DEPTOR: variants seen among roughly 807,000 people sequenced by gnomAD.
The protein encoded by DEPTOR is DEP domain containing MTOR interacting protein.
DEPTOR carries 41 observed loss-of-function variants against 41.6 expected under a neutral mutation model. That is an observed-to-expected ratio of 0.98 (90% CI 0.77 to 1.28). The LOEUF (loss-of-function observed/expected upper bound fraction) is 1.28. DEPTOR is among the 50% of genes most tolerant of loss of function. The pLI is 0.00. For missense variants in DEPTOR, 514 were observed against 527.9 expected (o/e 0.97, Z 0.26); for synonymous variants, 195 against 192.3 (o/e 1.01, Z -0.12).
At chr8:119,983,456 C>T (rs1828792625) in intron 4 of DEPTOR, among the ~76,000 whole-genome samples, 1 of 152,124 alleles carries the variant, frequency 6.6e-6, no homozygotes, top group Non-Finnish European at 1.5e-5. Flanking sequence ...GCCATCTCGG[C>T]TCACTGCAAC....
intron 4 of DEPTOR, 124 bp from the exon 5 acceptor site, chr8:120,001,401 G>C (rs2130080154): frequency 2.5e-6 from 2 of 794,912 alleles, no homozygotes; most frequent in Non-Finnish European, 3.7e-6. Context: ...AGCTCATGTG[G>C]CATCTGTGGA....
chr8:120,034,943 G>C (rs1340501038), intron 8 of DEPTOR, among the ~76,000 whole-genome samples: 2 of 152,272 alleles, frequency 1.3e-5, no homozygotes, highest in Non-Finnish European at 2.9e-5. Context: ...AAAAATTTGA[G>C]ATCAGGGAGG....
At chr8:120,008,861 C>T (rs1365175986) in intron 7 of DEPTOR, among the ~76,000 whole-genome samples, 168 bp from the exon 8 acceptor site, 3 of 152,114 alleles carry the variant, frequency 2.0e-5, no homozygotes, top group South Asian at 2.1e-4. Flanking sequence ...GGGAGATGCC[C>T]GGGTTTGTGA....
intron 8 of DEPTOR, among the ~76,000 whole-genome samples, chr8:120,023,133 G>A (rs1273202712): frequency 1.3e-5 from 2 of 152,210 alleles, no homozygotes; most frequent in Admixed American, 6.5e-5. Flanking sequence ...GTGTCCACAA[G>A]GAAGATAGAG....
intron 1 of DEPTOR, among the ~76,000 whole-genome samples, chr8:119,889,629 G>GGGGAGGGGAGGGGA (rs1586600027): frequency 2.2e-5 from 1 of 45,654 alleles, no homozygotes; most frequent in Admixed American, 3.2e-4. Flanking sequence ...GGGGAGGGAA[G>GGGGAGGGGAGGGGA]GGAAGGGGAG....
chr8:119,958,133 T>C (rs1309451924), intron 3 of DEPTOR, among the ~76,000 whole-genome samples: 1 of 152,208 alleles, frequency 6.6e-6, no homozygotes, highest in Admixed American at 6.6e-5. Flanking sequence ...AATGATGTGT[T>C]ATTTCTTCTG....
At chr8:119,894,016 A>G (rs1282213248) in intron 1 of DEPTOR, among the ~76,000 whole-genome samples, 3 of 152,146 alleles carry the variant, frequency 2.0e-5, no homozygotes, top group African/African-American at 7.2e-5. Flanking sequence ...AAATCATTGC[A>G]ATCTTTATTA....
chr8:119,891,885 G>T (rs553329462), intron 1 of DEPTOR, among the ~76,000 whole-genome samples: 1 of 152,324 alleles, frequency 6.6e-6, no homozygotes, highest in Admixed American at 6.5e-5. Flanking sequence ...ACTGCAAAAT[G>T]TTCTTTACTT....
At chr8:119,918,076 A>G (rs899407060) in intron 1 of DEPTOR, among the ~76,000 whole-genome samples, 1 of 152,178 alleles carries the variant, frequency 6.6e-6, no homozygotes, top group African/African-American at 2.4e-5. Flanking sequence ...AGGAACACCC[A>G]ATAATGATCA....
intron 8 of DEPTOR, among the ~76,000 whole-genome samples, chr8:120,027,196 CAAG>C (rs1812810448): frequency 6.7e-6 from 1 of 149,648 alleles, no homozygotes; most frequent in Admixed American, 6.7e-5. Context: ...CCAGCCTGGG[CAAG>C]AAGAGTGAAA....
intron 1 of DEPTOR, among the ~76,000 whole-genome samples, chr8:119,908,401 C>T (rs1046350499): frequency 1.3e-5 from 2 of 151,800 alleles, no homozygotes; most frequent in African/African-American, 2.4e-5. Context: ...CCAGTTTGGG[C>T]AACATAGTGA....
At chr8:119,949,116 A>G (rs1828320083) in intron 3 of DEPTOR, among the ~76,000 whole-genome samples, 1 of 152,242 alleles carries the variant, frequency 6.6e-6, no homozygotes, top group Non-Finnish European at 1.5e-5. Context: ...TTTTATATCA[A>G]TGGAATAATA....
chr8:119,900,380 CTTTTTTTTT>C (rs377443807), intron 1 of DEPTOR, among the ~76,000 whole-genome samples: 4 of 43,922 alleles, frequency 9.1e-5, no homozygotes, highest in South Asian at 1.6e-3. Context: ...CACCCCTCAC[CTTTTTTTTT>C]TTTTTTTTTT....
chr8:120,045,209 G>A (rs550051471), intron 8 of DEPTOR, among the ~76,000 whole-genome samples: 4 of 152,282 alleles, frequency 2.6e-5, no homozygotes, highest in East Asian at 1.9e-4. Flanking sequence ...GGAACGCAAG[G>A]GAGTGAGACT....
chr8:119,927,562 C>T (rs1433892098), intron 1 of DEPTOR, among the ~76,000 whole-genome samples: 2 of 147,372 alleles, frequency 1.4e-5, no homozygotes, highest in Non-Finnish European at 3.0e-5. Context: ...GCTCAAGACA[C>T]ATATATACAT....
Position 119,924,068 on chromosome 8 carries a change from C to G in DEPTOR, c.123-4332C>G, listed in dbSNP as rs1827934316. 3.3e-5 allele frequency among the ~76,000 whole-genome samples: 5 copies of G among 152,216 alleles called. No individual in the cohort carries two copies. In the South Asian group the frequency reaches 1.0e-3, roughly 32 times the overall value. On this transcript the variant is annotated intron_variant, in intron 1 of 8. Coordinates refer to ENST00000286234, the MANE Select transcript of DEPTOR (RefSeq NM_022783.4). Reference sequence around the variant, plus strand: ...TCCTTAGCACCTTCCTAAGTCATCTCAGAATGTCATTTTCCCCTCTGAGCT... The same window carrying G: ...TCCTTAGCACCTTCCTAAGTCATCTGAGAATGTCATTTTCCCCTCTGAGCT...
chr8:119,938,944 GCTCTCT>G (rs139892847), intron 3 of DEPTOR, among the ~76,000 whole-genome samples: 39 of 126,022 alleles, frequency 3.1e-4, no homozygotes, highest in South Asian at 1.9e-3. Context: ...GTTCCTTCTT[GCTCTCT>G]CTCTCTCTCT....
At chr8:120,014,731 C>T (rs1453781203) in intron 8 of DEPTOR, among the ~76,000 whole-genome samples, 1 of 151,962 alleles carries the variant, frequency 6.6e-6, no homozygotes, top group Non-Finnish European at 1.5e-5. Context: ...CCATGTTGGC[C>T]AGGCTTGTCT....
intron 3 of DEPTOR, among the ~76,000 whole-genome samples, chr8:119,961,639 C>T (rs189317206): frequency 3.3e-5 from 5 of 152,226 alleles, no homozygotes; most frequent in African/African-American, 1.2e-4. Flanking sequence ...GTTTGCATGA[C>T]CTTGAGCAAG....
Sources: gnomAD v4.1 joint callset for allele counts (sites outside exome capture counted in the v4.1 genomes callset) on GRCh38, gnomAD v4.1.1 for gene constraint, MANE v1.5 for transcripts, NCBI Gene and HGNC (gene_info 2026-07-23, HGNC 2026-07-21) for gene names.